Variants in WWOX observed in about 807,000 individuals in gnomAD.
WWOX encodes the protein WW domain containing oxidoreductase.
WWOX carries 69 observed loss-of-function variants against 46.2 expected under a neutral mutation model. The observed-to-expected ratio is 1.49, with a 90% CI of 1.23 to 1.82. The LOEUF (loss-of-function observed/expected upper bound fraction) is 1.82. WWOX is among the 40% of genes most tolerant of loss of function. The pLI, the probability that WWOX is intolerant of heterozygous loss-of-function variation, is 0.00. For missense variants in WWOX, 919 were observed against 542.6 expected, an observed-to-expected ratio of 1.69 and a Z score of -6.89; for synonymous variants, 359 against 202.6, an observed-to-expected ratio of 1.77 and a Z score of -6.56.
intron 8 of WWOX, among the ~76,000 whole-genome samples, chr16:78,499,653 C>T (rs577111096): frequency 7.7e-4 from 118 of 152,298 alleles, no homozygotes; most frequent in African/African-American, 2.6e-3. Context: ...TTTGTGCCTG[C>T]GACTCTCTTC....
At chr16:78,789,027 C>G (rs895696614) in intron 8 of WWOX, among the ~76,000 whole-genome samples, 2 of 152,116 alleles carry the variant, frequency 1.3e-5, no homozygotes, top group East Asian at 3.9e-4. Context: ...TCTTTTTATT[C>G]TTTTGATATC....
chr16:78,496,529 G>C (rs779488534), intron 8 of WWOX: 3 of 152,166 alleles, frequency 2.0e-5, no homozygotes, highest in Non-Finnish European at 2.9e-5. Flanking sequence ...TAACATCAAA[G>C]GTGTGTGTAC....
chr16:78,166,698 A>G (rs2034987148), intron 5 of WWOX: 1 of 152,106 alleles, frequency 6.6e-6, no homozygotes, highest in African/African-American at 2.4e-5. Context: ...AGCCGGGACT[A>G]CAGGCACGCG....
intron 5 of WWOX, among the ~76,000 whole-genome samples, chr16:78,321,396 ATATATACG>A (rs1291406979): frequency 7.0e-5 from 8 of 114,742 alleles, no homozygotes; most frequent in East Asian, 3.0e-4. Context: ...ATATATACGT[ATATATACG>A]TATATATATA....
chr16:78,506,989 C>G (rs1330848044), intron 8 of WWOX, among the ~76,000 whole-genome samples: 3 of 152,156 alleles, frequency 2.0e-5, no homozygotes, highest in Non-Finnish European at 2.9e-5. Context: ...GCTGGGATCA[C>G]AGGCGTGAGC....
chr16:79,140,283 G>A (rs1191459242), intron 8 of WWOX, among the ~76,000 whole-genome samples: 1 of 152,336 alleles, frequency 6.6e-6, no homozygotes, highest in African/African-American at 2.4e-5. Context: ...GGATGCGGTG[G>A]TGTGGCCGAT....
intron 8 of WWOX, among the ~76,000 whole-genome samples, chr16:78,546,196 G>T (rs1013854394): frequency 6.6e-6 from 1 of 152,158 alleles, no homozygotes; most frequent in Non-Finnish European, 1.5e-5. Flanking sequence ...TACTAATACA[G>T]CTTAGAACAG....
intron 6 of WWOX, among the ~76,000 whole-genome samples, chr16:78,423,273 T>C (rs1312458988): frequency 1.3e-5 from 2 of 152,204 alleles, no homozygotes; most frequent in African/African-American, 2.4e-5. Flanking sequence ...ATAAAATACA[T>C]TAAATTTTAT....
intron 8 of WWOX, among the ~76,000 whole-genome samples, chr16:79,042,741 T>TTTTTC (rs1555517219): frequency 1.3e-4 from 20 of 151,712 alleles, no homozygotes; most frequent in Admixed American, 1.1e-3. Flanking sequence ...TTTTTTTTTT[T>TTTTTC]TTCTTCTAAC....
chr16:78,277,049 G>A (rs949151950), intron 5 of WWOX, among the ~76,000 whole-genome samples: 1 of 152,318 alleles, frequency 6.6e-6, no homozygotes, highest in East Asian at 1.9e-4. Context: ...TGCGAACCTT[G>A]TTAAATTCGG....
At chr16:78,156,195 G>C (rs1168694318) in intron 4 of WWOX, among the ~76,000 whole-genome samples, 3 of 152,234 alleles carry the variant, frequency 2.0e-5, no homozygotes, top group Non-Finnish European at 4.4e-5. Flanking sequence ...GTGGAAGCTT[G>C]AGCCTGTAGC....
At chr16:79,170,471 G>A (rs11862241) in intron 8 of WWOX, among the ~76,000 whole-genome samples, 5,959 of 152,168 alleles carry the variant, frequency 0.039, 157 homozygotes, top group East Asian at 0.14. Flanking sequence ...GTTATCTTTG[G>A]ATTAAAAATG....
At chr16:78,254,798 G>A (rs191944107) in intron 5 of WWOX, among the ~76,000 whole-genome samples, 9 of 152,196 alleles carry the variant, frequency 5.9e-5, no homozygotes, top group East Asian at 3.9e-4. Flanking sequence ...CAAAGTGCTC[G>A]GATTACAGGT....
At chr16:79,196,153 T>C (rs1309768185) in intron 8 of WWOX, among the ~76,000 whole-genome samples, 1 of 152,210 alleles carries the variant, frequency 6.6e-6, no homozygotes, top group African/African-American at 2.4e-5. Context: ...GCAAAAATCA[T>C]CCTCTTCTCT....
chr16:78,406,874 C>T (rs1195953608), intron 6 of WWOX, among the ~76,000 whole-genome samples: 3 of 152,202 alleles, frequency 2.0e-5, no homozygotes, highest in South Asian at 2.1e-4. Flanking sequence ...GATCCGCCCG[C>T]TTCAGCCTCC....
rs545662796 is a variant in WWOX, at chr16:78,675,351, C to T, written c.1056+242599C>T. ...TAATGTAAAGATTTAAAAAACTGTT[C>T]ATATCGTTCATCTACATAAATAAAT... On this transcript the variant is annotated intron_variant, in intron 8 of 8. Transcript: ENST00000566780. 3.3e-5 allele frequency among the ~76,000 whole-genome samples: 5 copies of T among 152,276 alleles called. No individual in the cohort carries two copies. The South Asian group carries it at 1.0e-3, about 32-fold the overall frequency.
intron 8 of WWOX, among the ~76,000 whole-genome samples, chr16:78,793,772 G>T (rs2050668988): frequency 6.6e-6 from 1 of 152,026 alleles, no homozygotes; most frequent in Admixed American, 6.6e-5. Context: ...AGGAATCCAG[G>T]TTAGAAACAA....
At chr16:78,247,687 A>C (rs2037855441) in intron 5 of WWOX, among the ~76,000 whole-genome samples, 1 of 152,204 alleles carries the variant, frequency 6.6e-6, no homozygotes, top group African/African-American at 2.4e-5. Flanking sequence ...GCCTTGGGGC[A>C]GGTCAGTCCG....
At chr16:78,467,482 C>G (rs1478418497) in intron 8 of WWOX, among the ~76,000 whole-genome samples, 1 of 152,272 alleles carries the variant, frequency 6.6e-6, no homozygotes, top group South Asian at 2.1e-4. Context: ...CAAAGGACCT[C>G]TTTTCATTGT....
Sources: allele counts gnomAD v4.1 joint callset (sites outside exome capture counted in the v4.1 genomes callset), GRCh38; gene constraint gnomAD v4.1.1; transcripts MANE v1.5; gene names NCBI Gene and HGNC (gene_info 2026-07-23, HGNC 2026-07-21).